ZFAND3: variants seen among roughly 807,000 people sequenced by gnomAD.
ZFAND3 encodes the protein AN1-type zinc finger protein 3.
A neutral mutation model predicts 29.6 loss-of-function variants in ZFAND3; 10 were observed. The observed-to-expected ratio is 0.34, with a 90% CI of 0.21 to 0.57. ZFAND3 has a LOEUF of 0.57. ZFAND3 is among the 20% of genes least tolerant of loss of function. The pLI is 0.86. For missense variants in ZFAND3, 230 were observed against 304.5 expected, an observed-to-expected ratio of 0.76 and a Z score of 1.82; for synonymous variants, 128 against 112.6, an observed-to-expected ratio of 1.14 and a Z score of -0.87.
At chr6:38,083,311 A>C (rs1053917297) in intron 4 of ZFAND3, among the ~76,000 whole-genome samples, 1 of 152,160 alleles carries the variant, frequency 6.6e-6, no homozygotes, top group African/African-American at 2.4e-5. Context: ...GTTTCAAAGT[A>C]ACATCCAGGC....
chr6:37,864,738 TACACACACACACAC>T (rs70977698), intron 1 of ZFAND3, among the ~76,000 whole-genome samples: 5 of 148,984 alleles, frequency 3.4e-5, no homozygotes, highest in East Asian at 2.0e-4. Context: ...TATGTGGTTA[TACACACACACACAC>T]ACACACACAC....
At chr6:37,933,706 T>C (rs1470783135) in intron 2 of ZFAND3, among the ~76,000 whole-genome samples, 1 of 152,184 alleles carries the variant, frequency 6.6e-6, no homozygotes, top group East Asian at 1.9e-4. Flanking sequence ...CTGGATTTGC[T>C]AAAGACTCGA....
intron 2 of ZFAND3, among the ~76,000 whole-genome samples, chr6:37,981,008 T>C (rs1762571540): frequency 6.6e-6 from 1 of 152,190 alleles, no homozygotes; most frequent in African/African-American, 2.4e-5. Context: ...AAAAGCACAA[T>C]TGGAATATAC....
At chr6:38,055,553 T>C (rs934092481) in intron 2 of ZFAND3, among the ~76,000 whole-genome samples, 1 of 152,138 alleles carries the variant, frequency 6.6e-6, no homozygotes, top group Admixed American at 6.5e-5. Context: ...CCTGGCAGAG[T>C]GCTTGACTCA....
At chr6:37,910,603 G>A (rs550670762) in intron 1 of ZFAND3, among the ~76,000 whole-genome samples, 18 of 152,076 alleles carry the variant, frequency 1.2e-4, no homozygotes, top group Non-Finnish European at 2.2e-4. Flanking sequence ...TGGGGGGTGG[G>A]AACATTTAAA....
rs568559716 is a variant in ZFAND3, at chr6:38,003,664, A to G, written c.113-57929A>G. ...CAGTCATGCACCACCACGACCAGCTAATTTTTGTGTTTTTTTTTTTTTGTA... is the reference window on the plus strand; with the variant it reads ...CAGTCATGCACCACCACGACCAGCTGATTTTTGTGTTTTTTTTTTTTTGTA... On this transcript the variant is annotated intron_variant, in intron 2 of 5. Coordinates refer to ENST00000287218, the MANE Select transcript of ZFAND3 (RefSeq NM_021943.3). The G allele has an allele frequency of 1.4e-4, 46 of 334,512 alleles. 1 individual carries two copies. Among genetic ancestry groups the G allele is most frequent in the South Asian group, 9.2e-4 (42 of 45,730 alleles). The allele number at this position is 334,512 out of a possible 1,614,324, so 20.7% of individuals were successfully genotyped here.
chr6:37,974,263 C>A (rs925132681), intron 2 of ZFAND3, among the ~76,000 whole-genome samples: 1 of 152,074 alleles, frequency 6.6e-6, no homozygotes, highest in African/African-American at 2.4e-5. Flanking sequence ...GGAGTTTGAC[C>A]ATGTTGGCCC....
chr6:38,099,048 A>C (rs1416260585), intron 4 of ZFAND3, among the ~76,000 whole-genome samples: 1 of 152,156 alleles, frequency 6.6e-6, no homozygotes, highest in Non-Finnish European at 1.5e-5. Flanking sequence ...CCTTTTAAAA[A>C]CATAAATATT....
chr6:37,987,826 T>C (rs1762695719), intron 2 of ZFAND3, among the ~76,000 whole-genome samples: 1 of 152,240 alleles, frequency 6.6e-6, no homozygotes. Flanking sequence ...CGGTCATGGT[T>C]TGTTTGGTCT....
intron 2 of ZFAND3, among the ~76,000 whole-genome samples, chr6:37,932,438 A>G (rs765940988): frequency 6.6e-6 from 1 of 152,206 alleles, no homozygotes; most frequent in Non-Finnish European, 1.5e-5. Flanking sequence ...CAAATCTGAA[A>G]TGCTCCAAAG....
chr6:38,045,063 T>TTAC (rs1561978623), intron 2 of ZFAND3, among the ~76,000 whole-genome samples: 2 of 132,408 alleles, frequency 1.5e-5, no homozygotes, highest in African/African-American at 5.5e-5. Flanking sequence ...CTTTTATTTA[T>TTAC]TTATTTATTT....
At chr6:38,145,452 G>C (rs1169364665) in intron 5 of ZFAND3, among the ~76,000 whole-genome samples, 2 of 152,202 alleles carry the variant, frequency 1.3e-5, no homozygotes, top group African/African-American at 2.4e-5. Flanking sequence ...TATGGCATTT[G>C]TGCAGATTGT....
At chr6:37,974,864 G>A (rs987197434) in intron 2 of ZFAND3, among the ~76,000 whole-genome samples, 2 of 152,096 alleles carry the variant, frequency 1.3e-5, no homozygotes, top group Admixed American at 1.3e-4. Context: ...ACATTTGGTG[G>A]CTTTGAGCTC....
intron 2 of ZFAND3, among the ~76,000 whole-genome samples, chr6:38,056,032 C>CA (rs1561982907): frequency 6.6e-6 from 1 of 152,190 alleles, no homozygotes; most frequent in Non-Finnish European, 1.5e-5. Context: ...TGGGAAATCA[C>CA]AGAGTGCTGT....
intron 1 of ZFAND3, among the ~76,000 whole-genome samples, chr6:37,916,484 G>T (rs571945448): frequency 1.4e-5 from 2 of 147,768 alleles, no homozygotes; most frequent in Non-Finnish European, 3.0e-5. Context: ...ACGGTGAAAC[G>T]CTGTCTCTAC....
At position 38,152,439 on chromosome 6, in the gene ZFAND3, G is replaced by A; in HGVS notation, c.*50G>A. On this transcript the variant is annotated 3_prime_UTR_variant, in exon 6 of 6. Transcript: ENST00000287218. Reference sequence around the variant, plus strand: ...CGCTGTTCTTAGTTCACTAATGTTAGCCTTATTTAGGACAAAGTCAGCCAG... The same window carrying A: ...CGCTGTTCTTAGTTCACTAATGTTAACCTTATTTAGGACAAAGTCAGCCAG... 6.7e-7 allele frequency: 1 copy of A among 1,489,808 alleles called. No individual in the cohort carries two copies. The highest frequency in any genetic ancestry group is 1.4e-5 in the South Asian group (1 of 71,506). The allele number at this position is 1,489,808 out of a possible 1,614,324, so 92.3% of individuals were successfully genotyped here. A position where few individuals can be genotyped will look rare whatever the true frequency, so the allele number is the denominator to read the frequency against.
chr6:38,073,251 T>G (rs1023449413), intron 3 of ZFAND3, among the ~76,000 whole-genome samples: 1 of 152,156 alleles, frequency 6.6e-6, no homozygotes, highest in African/African-American at 2.4e-5. Context: ...TCATTTCCCT[T>G]TCTAAGGAAA....
chr6:37,891,906 T>A (rs1005572009), intron 1 of ZFAND3, among the ~76,000 whole-genome samples: 41 of 151,948 alleles, frequency 2.7e-4, no homozygotes, highest in African/African-American at 9.4e-4. Context: ...TTTTTTGTAT[T>A]TTAGTAGAGA....
In ZFAND3 at chr6:37,911,299, T is replaced by C. The variant is rs533058552; in HGVS notation, c.72-18660T>C. Among the ~76,000 whole-genome samples the C allele has an allele frequency of 2.6e-5, 4 of 152,360 alleles. No individual in the cohort carries two copies. In the South Asian group the frequency reaches 6.2e-4, roughly 24 times the overall value. On this transcript the variant is annotated intron_variant, in intron 1 of 5. Coordinates refer to ENST00000287218, the MANE Select transcript of ZFAND3 (RefSeq NM_021943.3). ...GCATTTCTCTGGTGATTATTAATGTTGAATACTTTTTTGTGTACCTGTTAG... is the reference window on the plus strand; with the variant it reads ...GCATTTCTCTGGTGATTATTAATGTCGAATACTTTTTTGTGTACCTGTTAG...
Sources: gnomAD v4.1 joint callset for allele counts (sites outside exome capture counted in the v4.1 genomes callset) on GRCh38, gnomAD v4.1.1 for gene constraint, MANE v1.5 for transcripts, NCBI Gene and HGNC (gene_info 2026-07-23, HGNC 2026-07-21) for gene names.